Variants in KLHL8 observed in about 807,000 individuals in gnomAD.
The protein encoded by KLHL8 is kelch like family member 8.
A neutral mutation model predicts 63.5 loss-of-function variants in KLHL8; 38 were observed. The observed-to-expected ratio is 0.60, with a 90% CI of 0.46 to 0.78. The LOEUF is 0.78. KLHL8 is among the 30% of genes least tolerant of loss of function. The probability of loss-of-function intolerance (pLI) is 0.00; values close to 1 mark genes in which losing one functional copy is unlikely to be tolerated. For missense variants in KLHL8, 566 were observed against 752.4 expected (o/e 0.75, Z 2.90); for synonymous variants, 224 against 254.3 (o/e 0.88, Z 1.13).
intron 1 of KLHL8, chr4:87,207,772 G>A: frequency 1.2e-6 from 1 of 868,828 alleles, no homozygotes; most frequent in Non-Finnish European, 2.0e-6. Flanking sequence ...GAAGCTCACT[G>A]GCATGGCCTT....
chr4:87,202,356 G>T (rs902709679), intron 1 of KLHL8, among the ~76,000 whole-genome samples: 1 of 152,040 alleles, frequency 6.6e-6, no homozygotes, highest in African/African-American at 2.4e-5. Context: ...CTGACCTCAG[G>T]TGATCCACCT....
chr4:87,163,963 CTG>C lies in KLHL8; in HGVS notation c.1652_1653del (p.Thr551SerfsTer12). ...CCAACTGCAAAGATTTTGCCCATCA[CTG>C]TTGCGATTCCCACTCCACCTCTGGG... The part of the protein sequence containing the change: ...TTPRGGVGIA[T>X]VMGKIFAVGG... On this transcript the variant is annotated frameshift_variant, in exon 9 of 10. Transcript: ENST00000273963. LOFTEE classifies it high-confidence loss of function. The C allele has an allele frequency of 6.2e-7, 1 of 1,614,218 alleles. No individual in the cohort carries two copies. The highest frequency in any genetic ancestry group is 8.5e-7 in the Non-Finnish European group (1 of 1,180,032).
Position 87,178,551 on chromosome 4 carries a change from A to C in KLHL8, c.1022T>G (p.Ile341Ser). Residue 341 changes from isoleucine (I) to serine (S), a missense_variant, in exon 5 of 10, where the codon ATC becomes AGC. Transcript: ENST00000273963. Reference sequence around the variant, plus strand: ...TCCAAAGAACCAACTGTTTTTGTTGATAGAATAGCATTCAATACTGCGAAA... The same window carrying C: ...TCCAAAGAACCAACTGTTTTTGTTGCTAGAATAGCATTCAATACTGCGAAA... ...DPFRSIECYS[I>S]NKNSWFFGPE... 1.2e-6 allele frequency: 2 copies of C among 1,612,236 alleles called. No homozygotes were observed. Among genetic ancestry groups the C allele is most frequent in the Non-Finnish European group, 1.7e-6 (2 of 1,179,726 alleles).
At chr4:87,189,948 C>A (rs908988281) in intron 2 of KLHL8, among the ~76,000 whole-genome samples, 1 of 148,180 alleles carries the variant, frequency 6.7e-6, no homozygotes, top group Non-Finnish European at 1.5e-5. Context: ...GCAGGAGAAT[C>A]GCTTGAACCT....
intron 1 of KLHL8, among the ~76,000 whole-genome samples, chr4:87,234,434 C>CT (rs1486483117): frequency 8.5e-6 from 1 of 117,024 alleles, no homozygotes; most frequent in Non-Finnish European, 1.8e-5. Context: ...GAGTCTCTGT[C>CT]TCAAAAAAAA....
At chr4:87,194,501 T>C (rs1221982885) in intron 2 of KLHL8, among the ~76,000 whole-genome samples, 2 of 152,078 alleles carry the variant, frequency 1.3e-5, no homozygotes, top group African/African-American at 4.8e-5. Flanking sequence ...CAAGACCCCA[T>C]CTCTACAAAA....
In KLHL8 at chr4:87,195,377, C is replaced by G. The variant is rs144120671; in HGVS notation, c.163G>C (p.Gly55Arg). ...EANEAWKDFHGSLLRFYENGE... is the reference protein window; with the variant it reads ...EANEAWKDFHRSLLRFYENGE... ...TTTTCATAAAATCGAAGAAGAGAAC[C>G]ATGAAAATCTTTCCAAGCTTCATTT... The change falls in exon 2 of 10, where the codon GGT (glycine) becomes CGT (arginine). Residue 55 changes from glycine to arginine, a missense_variant. Gly to Arg is a moderately radical substitution (Grantham distance 125, BLOSUM62 -2). Coordinates refer to ENST00000273963, the MANE Select transcript of KLHL8 (RefSeq NM_020803.5). 1,080 of 1,613,312 alleles carry G rather than the reference C, an allele frequency of 6.7e-4. 1 individual carries two copies. The highest frequency in any genetic ancestry group is 8.7e-4 in the Non-Finnish European group (1,023 of 1,179,894).
chr4:87,182,731 A>C (rs1731101853), intron 4 of KLHL8, among the ~76,000 whole-genome samples: 1 of 152,236 alleles, frequency 6.6e-6, no homozygotes, highest in Admixed American at 6.5e-5. Context: ...CTAAGAGTTT[A>C]ATATAACCCA....
intron 8 of KLHL8, chr4:87,167,193 C>T: frequency 1.9e-6 from 1 of 535,428 alleles, no homozygotes; most frequent in Non-Finnish European, 3.6e-6. Flanking sequence ...TTATCCACCC[C>T]CACACTAAGT....
At chr4:87,217,784 C>T (rs1308289507) in intron 1 of KLHL8, among the ~76,000 whole-genome samples, 1 of 151,548 alleles carries the variant, frequency 6.6e-6, no homozygotes, top group African/African-American at 2.4e-5. Context: ...CCATGTGGGG[C>T]CCTTTAGTTC....
intron 8 of KLHL8, among the ~76,000 whole-genome samples, chr4:87,166,453 C>T (rs568790407): frequency 1.3e-5 from 2 of 152,314 alleles, no homozygotes; most frequent in Admixed American, 1.3e-4. Context: ...TTACTAATCA[C>T]AATATAGCTA....
intron 1 of KLHL8, among the ~76,000 whole-genome samples, chr4:87,232,573 C>T (rs964493924): frequency 3.9e-5 from 6 of 152,112 alleles, no homozygotes; most frequent in Non-Finnish European, 7.4e-5. Context: ...TGCATGACTT[C>T]GATGTAACTA....
chr4:87,232,851 A>T (rs1578412860), intron 1 of KLHL8, among the ~76,000 whole-genome samples: 1 of 151,836 alleles, frequency 6.6e-6, no homozygotes, highest in East Asian at 1.9e-4. Flanking sequence ...TGTAAAATCC[A>T]TGTTCAATTT....
chr4:87,239,366 C>T (rs2110075692), intron 1 of KLHL8, among the ~76,000 whole-genome samples: 1 of 152,318 alleles, frequency 6.6e-6, no homozygotes, highest in South Asian at 2.1e-4. Flanking sequence ...GGAGAGGCTC[C>T]AGTGCGCCTG....
At chr4:87,214,668 C>T (rs774930609) in intron 1 of KLHL8, among the ~76,000 whole-genome samples, 33 of 151,782 alleles carry the variant, frequency 2.2e-4, no homozygotes, top group Non-Finnish European at 4.3e-4. Flanking sequence ...TATCACTAGG[C>T]CAAAGACAGA....
At chr4:87,238,292 T>C (rs13113529) in intron 1 of KLHL8, among the ~76,000 whole-genome samples, 37,825 of 152,088 alleles carry the variant, frequency 0.25, 4,939 homozygotes, top group East Asian at 0.43. Context: ...AGCATATTTG[T>C]AGAGAAGAAG....
chr4:87,176,085 T>A (rs1730807392), intron 6 of KLHL8, among the ~76,000 whole-genome samples: 1 of 152,238 alleles, frequency 6.6e-6, no homozygotes, highest in Non-Finnish European at 1.5e-5. Context: ...TCAAAAAGTC[T>A]ACAGATTAAT....
At chr4:87,220,894 T>G (rs1003754458), upstream of KLHL8, 3 of 152,218 alleles carry the variant, frequency 2.0e-5, no homozygotes, top group African/African-American at 4.8e-5. Flanking sequence ...TTTCTTTGTA[T>G]GTCCATCAAA....
intron 1 of KLHL8, among the ~76,000 whole-genome samples, chr4:87,212,405 G>A (rs116770428): frequency 0.016 from 2,411 of 152,148 alleles, 66 homozygotes; most frequent in African/African-American, 0.055. Flanking sequence ...CATAGTGAGA[G>A]CCAGTCTCGA....
Sources: allele counts gnomAD v4.1 joint callset (sites outside exome capture counted in the v4.1 genomes callset), GRCh38; gene constraint gnomAD v4.1.1; transcripts MANE v1.5; gene names NCBI Gene and HGNC (gene_info 2026-07-23, HGNC 2026-07-21).